Variants in NID1 observed in about 807,000 individuals in gnomAD.
NID1 encodes the protein nidogen 1.
Under a neutral mutation model 130.6 loss-of-function variants are expected in NID1, and 76 were observed. The observed-to-expected ratio is 0.58, with a 90% CI of 0.48 to 0.70. The LOEUF (loss-of-function observed/expected upper bound fraction) is 0.70. Among genes scored for constraint, NID1 ranks in the 30% least tolerant of loss-of-function variants. The pLI, the probability that NID1 is intolerant of heterozygous loss-of-function variation, is 0.00. For missense variants in NID1, 1,517 were observed against 1,664.8 expected (o/e 0.91, Z 1.54); for synonymous variants, 665 against 675.1 (o/e 0.98, Z 0.23).
rs116421902 is a variant in NID1, at chr1:235,977,708, T to C, written c.*159A>G. 1,095 of 735,154 alleles carry C rather than the reference T, an allele frequency of 1.5e-3. 9 individuals are homozygous for C. The African/African-American group carries it at 0.017, about 11-fold the overall frequency. The allele number at this position is 735,154 out of a possible 1,614,324, so 45.5% of individuals were successfully genotyped here. A position where few individuals can be genotyped will look rare whatever the true frequency, so the allele number is the denominator to read the frequency against. ...CTATTAGAGAAGTCCAGGGTGCATGTTTTGGGGAACAGTGAGGGAAAAGTT... is the reference window on the plus strand; with the variant it reads ...CTATTAGAGAAGTCCAGGGTGCATGCTTTGGGGAACAGTGAGGGAAAAGTT... On this transcript the variant is annotated 3_prime_UTR_variant, in exon 20 of 20. Coordinates refer to ENST00000264187, the MANE Select transcript of NID1 (RefSeq NM_002508.3).
rs1331694682 is a variant in NID1, at chr1:236,024,152, G to A, written c.2046C>T (p.Asn682=). 6.2e-6 allele frequency: 10 copies of A among 1,614,150 alleles called. No individual in the cohort carries two copies. Among genetic ancestry groups the A allele is most frequent in the Admixed American group, 3.3e-5 (2 of 60,008 alleles). Residue 682 remains asparagine, a synonymous_variant, in exon 9 of 20, where the codon AAC becomes AAT. Transcript: ENST00000264187. ...CYIGTHGCDT[N]AACRPGPRTQ... is the part of the protein sequence containing the mutation. Reference sequence around the variant, plus strand: ...TCCTGGGACCAGGGCGACAGGCCGCGTTGGTGTCACACCCATGAGTGCCGA... The same window carrying A: ...TCCTGGGACCAGGGCGACAGGCCGCATTGGTGTCACACCCATGAGTGCCGA...
At chr1:236,006,419 G>A in intron 12 of NID1, among the ~76,000 whole-genome samples, 1 of 152,130 alleles carries the variant, frequency 6.6e-6, no homozygotes, top group East Asian at 1.9e-4. Flanking sequence ...TTGAACCTAA[G>A]TCTGATCAAG....
intron 1 of NID1, among the ~76,000 whole-genome samples, chr1:236,056,909 C>A (rs200808752): frequency 1.7e-4 from 24 of 140,650 alleles, no homozygotes; most frequent in South Asian, 1.5e-3. Flanking sequence ...AAAACAAAAA[C>A]ATGAAGCGTA....
chr1:236,064,760 C>A, intron 1 of NID1, 95 bp downstream of exon 1: 3 of 1,212,774 alleles, frequency 2.5e-6, no homozygotes, highest in African/African-American at 3.2e-5. Flanking sequence ...GGGTCCGGGT[C>A]CCCGCCTGCT....
intron 14 of NID1, among the ~76,000 whole-genome samples, chr1:235,988,971 C>T (rs1377217821): frequency 6.6e-6 from 1 of 151,444 alleles, no homozygotes; most frequent in Non-Finnish European, 1.5e-5. Flanking sequence ...TGTTTATATT[C>T]TTAATACCAC....
intron 12 of NID1, among the ~76,000 whole-genome samples, chr1:236,001,351 C>T (rs1013281082): frequency 7.2e-5 from 11 of 152,022 alleles, no homozygotes; most frequent in East Asian, 3.8e-4. Context: ...GTGATTCACC[C>T]GCCTCGGCCT....
chr1:236,009,384 T>C (rs1298260544), intron 12 of NID1, among the ~76,000 whole-genome samples: 1 of 152,238 alleles, frequency 6.6e-6, no homozygotes, highest in Non-Finnish European at 1.5e-5. Flanking sequence ...AACAAGTTTC[T>C]GTTGTTTATA....
chr1:236,062,633 CAAAAAAAAAA>C (rs56709890), intron 1 of NID1, among the ~76,000 whole-genome samples: 29,792 of 105,598 alleles, frequency 0.28, 3,808 homozygotes, highest in Admixed American at 0.44. Context: ...GACTCTGTCT[CAAAAAAAAAA>C]AAAAAAAAAA....
chr1:236,029,834 T>C, intron 6 of NID1, 84 bp from the exon 7 acceptor site: 1 of 1,365,522 alleles, frequency 7.3e-7, no homozygotes, highest in Middle Eastern at 2.0e-4. Context: ...TGGAGTGGGG[T>C]TGGTGCGAAC....
At position 235,991,075 on chromosome 1, in the gene NID1, G is replaced by T; in HGVS notation, c.2756-17C>A. On this transcript the variant is annotated splice_polypyrimidine_tract_variant and intron_variant, in intron 13 of 19. Transcript: ENST00000264187. ...TACTCAGACCTGCATGGCAGAGGGG[G>T]TCAGTGAGGGAGGCCCGTGTGCACC... The T allele has an allele frequency of 1.3e-6, 2 of 1,558,076 alleles. No individual in the cohort carries two copies. Among genetic ancestry groups the T allele is most frequent in the Non-Finnish European group, 1.7e-6 (2 of 1,155,080 alleles).
chr1:236,048,620 A>C, intron 2 of NID1, 70 bp downstream of exon 2: 1 of 1,511,780 alleles, frequency 6.6e-7, no homozygotes, highest in Non-Finnish European at 8.9e-7. Flanking sequence ...AAGCAGCACA[A>C]GGCGTGAGAC....
intron 12 of NID1, among the ~76,000 whole-genome samples, chr1:236,003,469 C>T (rs1658146788): frequency 6.6e-6 from 1 of 152,190 alleles, no homozygotes; most frequent in Non-Finnish European, 1.5e-5. Flanking sequence ...CAGTGACGTG[C>T]ACCAGCCAGA....
In NID1 at chr1:236,048,494, C is replaced by T. The variant is rs772117210; in HGVS notation, c.525+196G>A. Among the ~76,000 whole-genome samples the T allele has an allele frequency of 3.2e-4, 49 of 152,212 alleles. No individual in the cohort carries two copies. In the Middle Eastern group the frequency reaches 0.014, roughly 42 times the overall value. On this transcript the variant is annotated intron_variant, in intron 2 of 19. Coordinates refer to ENST00000264187, the MANE Select transcript of NID1 (RefSeq NM_002508.3). ...GCTTTATGTCTACTTGTCATTAAAACGTAGAGTTATACAACCTTGCAGATA... is the reference window on the plus strand; with the variant it reads ...GCTTTATGTCTACTTGTCATTAAAATGTAGAGTTATACAACCTTGCAGATA...
chr1:236,029,473 A>G lies in NID1; in HGVS notation c.1738+77T>C, dbSNP rs147674884. On this transcript the variant is annotated intron_variant, in intron 7 of 19. Coordinates refer to ENST00000264187, the MANE Select transcript of NID1 (RefSeq NM_002508.3). ...CAGATCCCAGAGACAGCCCCAGTTC[A>G]CGGCTGCCGTGGTGGGTCAAGAGCA... 3,907 of 1,403,936 alleles carry G rather than the reference A, an allele frequency of 2.8e-3. 11 individuals carry two copies. Among genetic ancestry groups the G allele is most frequent in the Admixed American group, 3.9e-3 (196 of 50,086 alleles). The allele number at this position is 1,403,936 out of a possible 1,614,324, so 87.0% of individuals were successfully genotyped here. A position where few individuals can be genotyped will look rare whatever the true frequency, so the allele number is the denominator to read the frequency against.
At chr1:235,981,263 A>T (rs1314046533) in intron 16 of NID1, among the ~76,000 whole-genome samples, 3 of 152,220 alleles carry the variant, frequency 2.0e-5, no homozygotes, top group East Asian at 3.8e-4. Context: ...CCCTGAAAGC[A>T]GCCTCAGCAG....
chr1:236,017,008 G>C (rs75967531), intron 10 of NID1, 140 bp downstream of exon 10: 2 of 1,075,508 alleles, frequency 1.9e-6, no homozygotes, highest in East Asian at 2.4e-5. Context: ...CAGAGGCTAA[G>C]TCTGATTCAT....
chr1:236,043,207 G>A (rs187083319), intron 3 of NID1, among the ~76,000 whole-genome samples: 24 of 152,242 alleles, frequency 1.6e-4, no homozygotes, highest in African/African-American at 5.5e-4. Context: ...TGTTATGTGA[G>A]CCATTCTAGC....
At chr1:236,024,873 A>C (rs1371162002) in intron 8 of NID1, among the ~76,000 whole-genome samples, 2 of 152,160 alleles carry the variant, frequency 1.3e-5, no homozygotes, top group African/African-American at 2.4e-5. Context: ...CCAGTGATGC[A>C]GAGTCACAGG....
chr1:236,038,123 G>T lies in NID1; in HGVS notation c.1266C>A (p.Gly422=), dbSNP rs752322513. The change falls in exon 5 of 20, where the codon GGC becomes GGA. Residue 422 remains glycine, a synonymous_variant. Transcript: ENST00000264187. The part of the protein sequence containing the change: ...CSCVAGYTGN[G]RQCVAEGSPQ... ...AATTACCTTCTGCAACACATTGCCT[G>T]CCATTGCCCGTATAGCCAGCGACAC... The T allele has an allele frequency of 1.2e-6, 2 of 1,602,292 alleles. No individual in the cohort carries two copies. Among genetic ancestry groups the T allele is most frequent in the Non-Finnish European group, 1.7e-6 (2 of 1,170,814 alleles).
Sources: allele counts gnomAD v4.1 joint callset (sites outside exome capture counted in the v4.1 genomes callset), GRCh38; gene constraint gnomAD v4.1.1; transcripts MANE v1.5; gene names NCBI Gene and HGNC (gene_info 2026-07-23, HGNC 2026-07-21).